MAN1C1: variants seen among roughly 807,000 people sequenced by gnomAD.
The protein encoded by MAN1C1 is mannosidase alpha class 1C member 1.
In MAN1C1, 49 loss-of-function variants were observed where a neutral mutation model predicts 71.5. The observed-to-expected ratio is 0.69, with a 90% CI of 0.54 to 0.87. The LOEUF is 0.87. Among genes scored for constraint, MAN1C1 ranks in the 40% least tolerant of loss-of-function variants. The pLI is 0.00. For synonymous variants in MAN1C1, 352 were observed against 343.7 expected, an observed-to-expected ratio of 1.02 and a Z score of -0.27; for missense variants, 743 against 835.0, an observed-to-expected ratio of 0.89 and a Z score of 1.36.
At chr1:25,750,119 C>T (rs1467150426) in intron 4 of MAN1C1, among the ~76,000 whole-genome samples, 1 of 152,218 alleles carries the variant, frequency 6.6e-6, no homozygotes, top group East Asian at 1.9e-4. Flanking sequence ...CGCTTCCTTC[C>T]CCAGCATGGA....
intron 3 of MAN1C1, among the ~76,000 whole-genome samples, chr1:25,747,008 G>T (rs147108095): frequency 2.0e-5 from 3 of 152,330 alleles, no homozygotes; most frequent in African/African-American, 4.8e-5. Context: ...CTTCCCTGGG[G>T]AGGGGACACA....
chr1:25,689,540 G>C (rs1572151595), intron 2 of MAN1C1, among the ~76,000 whole-genome samples: 1 of 152,188 alleles, frequency 6.6e-6, no homozygotes, highest in African/African-American at 2.4e-5. Context: ...ACACCCAAAG[G>C]AGGAGGGCTG....
rs986085206 is a variant in MAN1C1 at position 25,782,800 on chromosome 1, C to T, written c.1766+100C>T. On this transcript the variant is annotated intron_variant, in intron 11 of 11. Coordinates refer to ENST00000374332, the MANE Select transcript of MAN1C1 (RefSeq NM_020379.4). This position sits in a 1 kb window ranked among gnomAD's most constrained non-coding sequence, Gnocchi z 4.4. ...ACAGTCAGGTTCTGTGGTCACAGGA[C>T]GGGAGCCCAAAAGGGGTGAAGGGCT... 14 of 910,312 alleles carry T rather than the reference C, an allele frequency of 1.5e-5. No homozygotes were observed. The highest frequency in any genetic ancestry group is 8.2e-5 in the African/African-American group (5 of 60,684). 56.4% of individuals were successfully genotyped at this position (910,312 alleles called of 1,614,324 possible). A position where few individuals can be genotyped will look rare whatever the true frequency, so the allele number is the denominator to read the frequency against.
At chr1:25,681,166 C>T (rs529763764) in intron 1 of MAN1C1, among the ~76,000 whole-genome samples, 4 of 149,966 alleles carry the variant, frequency 2.7e-5, no homozygotes, top group East Asian at 2.0e-4. Context: ...GTGGAGGTTG[C>T]GGTGAACTGA....
chr1:25,653,595 A>G (rs547972501), intron 1 of MAN1C1, among the ~76,000 whole-genome samples: 19 of 152,236 alleles, frequency 1.2e-4, no homozygotes, highest in African/African-American at 4.6e-4. Flanking sequence ...TCTCGGACCT[A>G]GTAGGTATCA....
chr1:25,629,719 C>G (rs957404485), intron 1 of MAN1C1, among the ~76,000 whole-genome samples: 4 of 151,344 alleles, frequency 2.6e-5, no homozygotes, highest in Non-Finnish European at 2.9e-5. Flanking sequence ...CTGCACCCAG[C>G]CATTTGCCCA....
chr1:25,691,559 G>A (rs565430267), intron 2 of MAN1C1, among the ~76,000 whole-genome samples: 14 of 152,212 alleles, frequency 9.2e-5, no homozygotes, highest in Admixed American at 5.9e-4. Context: ...TTCATCAAGC[G>A]TCAGCTGCGA....
rs1347345827 is a variant in MAN1C1 at position 25,667,500 on chromosome 1, A to C, written c.541-18940A>C. 2.6e-5 allele frequency among the ~76,000 whole-genome samples: 4 copies of C among 151,548 alleles called. No homozygotes were observed. The East Asian group carries it at 7.7e-4, about 29-fold the overall frequency. ...ACTCCATCTCAAAAAAAAAAAAAAAAAAAAGCAATTCAAAGAAAAAGAAAC... is the reference window on the plus strand; with the variant it reads ...ACTCCATCTCAAAAAAAAAAAAAAACAAAAGCAATTCAAAGAAAAAGAAAC... On this transcript the variant is annotated intron_variant, in intron 1 of 11. Coordinates refer to ENST00000374332, the MANE Select transcript of MAN1C1 (RefSeq NM_020379.4).
intron 2 of MAN1C1, among the ~76,000 whole-genome samples, chr1:25,698,568 C>A (rs1305594706): frequency 6.6e-6 from 1 of 152,184 alleles, no homozygotes; most frequent in African/African-American, 2.4e-5. Flanking sequence ...ATGAATCATA[C>A]TTCCAGTGAA....
chr1:25,649,385 G>C (rs761318708), intron 1 of MAN1C1, among the ~76,000 whole-genome samples: 24 of 152,216 alleles, frequency 1.6e-4, no homozygotes, highest in Non-Finnish European at 2.4e-4. Flanking sequence ...TAGTGGTGGT[G>C]TGAGTCCACA....
At chr1:25,666,201 A>G (rs1422908044) in intron 1 of MAN1C1, among the ~76,000 whole-genome samples, 1 of 152,174 alleles carries the variant, frequency 6.6e-6, no homozygotes, top group Non-Finnish European at 1.5e-5. Flanking sequence ...CCCTGACCTC[A>G]GGAGGGTTTA....
At chr1:25,678,628 T>C (rs2046102029) in intron 1 of MAN1C1, among the ~76,000 whole-genome samples, 1 of 152,222 alleles carries the variant, frequency 6.6e-6, no homozygotes, top group African/African-American at 2.4e-5. Flanking sequence ...AAATGTTATG[T>C]GCACAGAGAT....
At chr1:25,708,075 T>C (rs1322729348) in intron 2 of MAN1C1, among the ~76,000 whole-genome samples, 2 of 152,178 alleles carry the variant, frequency 1.3e-5, no homozygotes, top group Non-Finnish European at 2.9e-5. Context: ...GGCGAGTCCA[T>C]AAAGTGAAAG....
chr1:25,711,996 A>G lies in MAN1C1; in HGVS notation c.637+25460A>G, dbSNP rs184728351. Among the ~76,000 whole-genome samples the G allele has an allele frequency of 6.6e-6, 1 of 152,324 alleles. No individual in the cohort carries two copies. Among genetic ancestry groups the G allele is most frequent in the Non-Finnish European group, 1.5e-5 (1 of 68,022 alleles). On this transcript the variant is annotated intron_variant, in intron 2 of 11. Transcript: ENST00000374332. This position sits in a 1 kb window ranked among gnomAD's most constrained non-coding sequence, Gnocchi z 4.3. ...GCCCAGGCCCTGCTCATCCTGATGC[A>G]GACCACAGAGGAGGCGACAAGACCA...
At chr1:25,717,238 C>T (rs1332732578) in intron 2 of MAN1C1, among the ~76,000 whole-genome samples, 1 of 152,176 alleles carries the variant, frequency 6.6e-6, no homozygotes, top group Non-Finnish European at 1.5e-5. Flanking sequence ...TGGTTGGGCA[C>T]AGTGGCTCAC....
At chr1:25,698,447 G>T (rs2046394531) in intron 2 of MAN1C1, among the ~76,000 whole-genome samples, 1 of 152,168 alleles carries the variant, frequency 6.6e-6, no homozygotes, top group Non-Finnish European at 1.5e-5. Flanking sequence ...CCTTCATGCG[G>T]GTGGTTGTTC....
At chr1:25,628,722 G>A (rs988215797) in intron 1 of MAN1C1, among the ~76,000 whole-genome samples, 4 of 152,142 alleles carry the variant, frequency 2.6e-5, no homozygotes, top group African/African-American at 7.2e-5. Context: ...AGTATAGATT[G>A]TACTCAGTAT....
At chr1:25,619,677 T>C (rs1472854759) in intron 1 of MAN1C1, among the ~76,000 whole-genome samples, 1 of 152,232 alleles carries the variant, frequency 6.6e-6, no homozygotes, top group Non-Finnish European at 1.5e-5. Context: ...AGTTTCCAGA[T>C]TCCTGTTGAA....
intron 2 of MAN1C1, among the ~76,000 whole-genome samples, chr1:25,737,743 T>C (rs2047002138): frequency 6.6e-6 from 1 of 152,024 alleles, no homozygotes; most frequent in African/African-American, 2.4e-5. Context: ...TTCTGCTTGG[T>C]GGCTCAGGAA....
Sources: gnomAD v4.1 joint callset for allele counts (sites outside exome capture counted in the v4.1 genomes callset) on GRCh38, gnomAD v4.1.1 for gene constraint, Gnocchi (gnomAD v3.1) non-coding constraint, MANE v1.5 for transcripts, NCBI Gene and HGNC (gene_info 2026-07-23, HGNC 2026-07-21) for gene names.